Variants in GCM2 observed in about 807,000 individuals in gnomAD.
GCM2 encodes the protein GCM transcription factor 2.
GCM2 carries 21 observed loss-of-function variants against 24.8 expected under a neutral mutation model. That is an observed-to-expected ratio of 0.85 (90% CI 0.60 to 1.22). GCM2 has a LOEUF of 1.22. Among genes scored for constraint, GCM2 ranks in the 50% most tolerant of loss-of-function variants. GCM2 has a pLI of 0.00. For synonymous variants in GCM2, 222 were observed against 238.0 expected, an observed-to-expected ratio of 0.93 and a Z score of 0.62; for missense variants, 532 against 645.6, an observed-to-expected ratio of 0.82 and a Z score of 1.91.
chr6:10,881,074 G>C (rs1047028521), intron 1 of GCM2, among the ~76,000 whole-genome samples: 2 of 152,246 alleles, frequency 1.3e-5, no homozygotes, highest in East Asian at 3.8e-4. Flanking sequence ...GGAATGTGGA[G>C]CCTGACCAAC....
chr6:10,876,228 C>G (rs906089595), intron 3 of GCM2, among the ~76,000 whole-genome samples: 1 of 152,110 alleles, frequency 6.6e-6, no homozygotes, highest in Non-Finnish European at 1.5e-5. Flanking sequence ...ATTAAAAGAA[C>G]TATAACTTGG....
Position 10,876,020 on chromosome 6 carries a change from C to A in GCM2, c.457-4G>T, listed in dbSNP as rs879127820. ...GATGATCATGAACTCCCTTGGCCTG[C>A]GATAACGAGAAAATGAATCATACAT... On this transcript the variant is annotated splice_polypyrimidine_tract_variant and splice_region_variant and intron_variant, in intron 3 of 4. Coordinates refer to ENST00000379491, the MANE Select transcript of GCM2 (RefSeq NM_004752.4). 3.7e-6 allele frequency: 6 copies of A among 1,613,808 alleles called. No homozygotes were observed. Among genetic ancestry groups the A allele is most frequent in the Non-Finnish European group, 5.1e-6 (6 of 1,179,848 alleles).
chr6:10,876,094 C>G (rs1355810645), intron 3 of GCM2, 78 bp from the exon 4 acceptor site: 22 of 1,416,254 alleles, frequency 1.6e-5, no homozygotes, highest in Non-Finnish European at 2.2e-5. Flanking sequence ...TTGATCATGC[C>G]TTTCCCAACA....
Position 10,878,382 on chromosome 6 carries a change from G to A in GCM2, c.91-990C>T, listed in dbSNP as rs539177388. Among the ~76,000 whole-genome samples the A allele has an allele frequency of 7.6e-4, 115 of 152,172 alleles. 1 individual carries two copies. The highest frequency in any genetic ancestry group is 2.7e-3 in the African/African-American group (110 of 41,504). ...CACCCAGGCTGGAGTGTAGTAGCAT[G>A]ATCTCAGCTCACTGCAACCTCCGCC... On this transcript the variant is annotated intron_variant, in intron 1 of 4. Coordinates refer to ENST00000379491, the MANE Select transcript of GCM2 (RefSeq NM_004752.4).
chr6:10,881,608 A>C, intron 1 of GCM2, 96 bp downstream of exon 1: 103 of 524,476 alleles, frequency 2.0e-4, no homozygotes, highest in Non-Finnish European at 1.9e-4. Flanking sequence ...GTGTGTGTGT[A>C]TGGTCCGTCC....
At chr6:10,879,177 T>C (rs1371037987) in intron 1 of GCM2, among the ~76,000 whole-genome samples, 1 of 152,188 alleles carries the variant, frequency 6.6e-6, no homozygotes, top group East Asian at 1.9e-4. Context: ...AAGTCACAAA[T>C]GAAATATATA....
chr6:10,876,443 A>T lies in GCM2; in HGVS notation c.456+2T>A. The T allele has an allele frequency of 6.3e-7, 1 of 1,589,694 alleles. No individual in the cohort carries two copies. ...CACAAATTGTGTTCTCACCTGACCT[A>T]CCTGAAAAAAGATCGCGTTGCCATC... On this transcript the variant is annotated splice_donor_variant, in intron 3 of 4. Coordinates refer to ENST00000379491, the MANE Select transcript of GCM2 (RefSeq NM_004752.4). LOFTEE classifies it high-confidence loss of function.
At position 10,876,516 on chromosome 6, in the gene GCM2, G is replaced by T. The variant is rs766685638; in HGVS notation, c.385C>A (p.Pro129Thr). 32 of 1,613,972 alleles carry T rather than the reference G, an allele frequency of 2.0e-5. No individual in the cohort carries two copies. The South Asian group carries it at 3.3e-4, about 17-fold the overall frequency. The part of the protein sequence containing the change: ...PNCHSALELI[P>T]CRGHSGYPVT... ...GGGTATCCGCTGTGCCCTCGACAAG[G>T]AATCAACTCCAAAGCAGAATGACAG... Residue 129 changes from proline (P) to threonine (T), a missense_variant, in exon 3 of 5, where the codon CCT becomes ACT. Around this residue, in one of 3 missense-constraint regions of GCM2, gnomAD observed 434 missense variants for 521.9 expected, o/e 0.83. Coordinates refer to ENST00000379491, the MANE Select transcript of GCM2 (RefSeq NM_004752.4).
At chr6:10,880,493 G>A (rs1779943097) in intron 1 of GCM2, among the ~76,000 whole-genome samples, 1 of 152,002 alleles carries the variant, frequency 6.6e-6, no homozygotes, top group Admixed American at 6.6e-5. Flanking sequence ...GCCCACATCT[G>A]CAAATGGCAG....
chr6:10,876,331 C>G (rs770304102), intron 3 of GCM2, 114 bp downstream of exon 3: 40 of 770,458 alleles, frequency 5.2e-5, no homozygotes, highest in Non-Finnish European at 8.6e-5. Context: ...CTATTTCTGG[C>G]CACTGGGGCT....
rs1239169029 is a variant in GCM2 at position 10,874,373 on chromosome 6, G to GGTTT, written c.1139_1142dup (p.Val382AsnfsTer8). Reference sequence around the variant, plus strand: ...ACACTTTAGTGGTGGTGGTGATCACGGTTTGTAGGGCAGGGGCACCTGGTG... The same window carrying GGTTT: ...ACACTTTAGTGGTGGTGGTGATCACGGTTTGTTTGTAGGGCAGGGGCACCTGGTG... On this transcript the variant is annotated frameshift_variant, in exon 5 of 5. Transcript: ENST00000379491. LOFTEE classifies it low-confidence loss of function (END_TRUNC). 1.9e-6 allele frequency: 3 copies of GGTTT among 1,614,110 alleles called. No individual in the cohort carries two copies. The East Asian group carries it at 6.7e-5, about 36-fold the overall frequency.
rs1384849367 is a variant in GCM2, at chr6:10,875,932, A to G, written c.541T>C (p.Ser181Pro). ...CTCTTTTTCTGGGGTTGGTAGAAAGAGGCCATTTGTCTCTTGATGGCGCTT... is the reference window on the plus strand; with the variant it reads ...CTCTTTTTCTGGGGTTGGTAGAAAGGGGCCATTTGTCTCTTGATGGCGCTT... ...RRSAIKRQMA[S>P]FYQPQKKRIR... The change falls in exon 4 of 5, where the codon TCT becomes CCT. Residue 181 changes from serine (S) to proline (P), a missense_variant. Ser to Pro is a moderately conservative substitution (Grantham distance 74). Transcript: ENST00000379491. 6.2e-7 allele frequency: 1 copy of G among 1,613,928 alleles called. No individual in the cohort carries two copies. Among genetic ancestry groups the G allele is most frequent in the Admixed American group, 1.7e-5 (1 of 60,016 alleles).
chr6:10,878,614 G>A (rs147381646), intron 1 of GCM2, among the ~76,000 whole-genome samples: 1,695 of 152,188 alleles, frequency 0.011, 18 homozygotes, highest in Non-Finnish European at 0.019. Context: ...CACCATGCCC[G>A]GCCACTGAGC....
At chr6:10,880,540 A>C (rs1779943704) in intron 1 of GCM2, among the ~76,000 whole-genome samples, 2 of 151,756 alleles carry the variant, frequency 1.3e-5, no homozygotes, top group South Asian at 4.2e-4. Context: ...CACCCCCTAC[A>C]GCCAGGACTT....
rs537529215 is a variant in GCM2 at position 10,878,093 on chromosome 6, T to G, written c.91-701A>C. Among the ~76,000 whole-genome samples the G allele has an allele frequency of 2.7e-3, 404 of 152,242 alleles. 1 individual carries two copies. The highest frequency in any genetic ancestry group is 6.0e-3 in the Admixed American group (92 of 15,284). On this transcript the variant is annotated intron_variant, in intron 1 of 4. Transcript: ENST00000379491. ...GACTTAAGCCATGAGCTTTGGGGTG[T>G]GGGTGAGCTTGTCTGGCACGGGACT...
At chr6:10,876,216 C>T (rs1779875072) in intron 3 of GCM2, among the ~76,000 whole-genome samples, 200 bp from the exon 4 acceptor site, 1 of 152,196 alleles carries the variant, frequency 6.6e-6, no homozygotes, top group African/African-American at 2.4e-5. Flanking sequence ...TCCCTTCACT[C>T]TATTAAAAGA....
At position 10,873,789 on chromosome 6, in the gene GCM2, C is replaced by T; in HGVS notation, c.*206G>A. 1.6e-6 allele frequency: 1 copy of T among 625,832 alleles called. No homozygotes were observed. Among genetic ancestry groups the T allele is most frequent in the Non-Finnish European group, 2.9e-6 (1 of 346,256 alleles). The allele number at this position is 625,832 out of a possible 1,614,324, so 38.8% of individuals were successfully genotyped here. ...TCCTCACTACTTCTATGTATTGTAG[C>T]CAGTTTCAAAATGCTGTGTGAAATT... On this transcript the variant is annotated 3_prime_UTR_variant, in exon 5 of 5. Coordinates refer to ENST00000379491, the MANE Select transcript of GCM2 (RefSeq NM_004752.4).
At chr6:10,879,901 T>C (rs1328614744) in intron 1 of GCM2, among the ~76,000 whole-genome samples, 4 of 152,224 alleles carry the variant, frequency 2.6e-5, no homozygotes, top group Non-Finnish European at 2.9e-5. Context: ...ATGCACTTGC[T>C]GTACTGTGGT....
Position 10,874,802 on chromosome 6 carries a change from A to T in GCM2, c.714T>A (p.Ser238=). 1 of 1,613,396 alleles carries T rather than the reference A, an allele frequency of 6.2e-7. No homozygotes were observed. Among genetic ancestry groups the T allele is most frequent in the Non-Finnish European group, 8.5e-7 (1 of 1,179,586 alleles). ...GGTCACAGGTAGCTTTGTAAACATCAGACTTTGGGAAGGAAGGGCAAGGCT... is the reference window on the plus strand; with the variant it reads ...GGTCACAGGTAGCTTTGTAAACATCTGACTTTGGGAAGGAAGGGCAAGGCT... ...PGQPCPSFPK[S]DVYKATCDLA... is the part of the protein sequence containing the mutation. Residue 238 remains serine (S), a synonymous_variant, in exon 5 of 5, where the codon TCT becomes TCA. Coordinates refer to ENST00000379491, the MANE Select transcript of GCM2 (RefSeq NM_004752.4).
Sources: gnomAD v4.1 joint callset for allele counts (sites outside exome capture counted in the v4.1 genomes callset) on GRCh38, gnomAD v4.1.1 for gene constraint, gnomAD v4.1.1 regional missense constraint, MANE v1.5 for transcripts, NCBI Gene and HGNC (gene_info 2026-07-23, HGNC 2026-07-21) for gene names.